TULP4: variants seen among roughly 807,000 people sequenced by gnomAD.
The protein encoded by TULP4 is TUB like protein 4, also known as tubby-related protein 4.
Under a neutral mutation model 129.0 loss-of-function variants are expected in TULP4, and 16 were observed. The observed-to-expected ratio is 0.12, with a 90% CI of 0.08 to 0.19. The LOEUF is 0.19. Among genes scored for constraint, TULP4 ranks in the 10% least tolerant of loss-of-function variants. TULP4 has a pLI of 1.00. For synonymous variants in TULP4, 998 were observed against 854.0 expected, an observed-to-expected ratio of 1.17 and a Z score of -2.94; for missense variants, 1,842 against 2,059.1, an observed-to-expected ratio of 0.89 and a Z score of 2.04.
chr6:158,331,745 G>GTATATATATATATA (rs1562523255), intron 1 of TULP4, among the ~76,000 whole-genome samples: 1 of 15,716 alleles, frequency 6.4e-5, no homozygotes. Context: ...ATATATATAC[G>GTATATATATATATA]TGTATATACA....
At chr6:158,371,638 C>T (rs890052953) in intron 1 of TULP4, among the ~76,000 whole-genome samples, 7 of 152,062 alleles carry the variant, frequency 4.6e-5, no homozygotes, top group African/African-American at 1.4e-4. Flanking sequence ...ATTATAACAG[C>T]GTCTTTTGTT....
chr6:158,340,017 G>T (rs980459269), intron 1 of TULP4, among the ~76,000 whole-genome samples: 1 of 152,156 alleles, frequency 6.6e-6, no homozygotes, highest in Non-Finnish European at 1.5e-5. Flanking sequence ...CTGAGTTCCC[G>T]CAACAGGCCG....
intron 1 of TULP4, among the ~76,000 whole-genome samples, chr6:158,334,087 G>A (rs546089019): frequency 2.7e-4 from 41 of 152,268 alleles, no homozygotes; most frequent in African/African-American, 9.6e-4. Context: ...AGTGAATTGC[G>A]CATCACAGTA....
intron 1 of TULP4, among the ~76,000 whole-genome samples, chr6:158,392,794 CTTT>C (rs773565295): frequency 4.8e-4 from 26 of 54,642 alleles, no homozygotes; most frequent in Non-Finnish European, 5.1e-4. Flanking sequence ...ATTTGTATTT[CTTT>C]TTTTTTTTTT....
chr6:158,455,325 C>G (rs866200439), intron 5 of TULP4, among the ~76,000 whole-genome samples: 10 of 24,212 alleles, frequency 4.1e-4, no homozygotes, highest in Middle Eastern at 0.018. Flanking sequence ...CCACCCGCCT[C>G]GGCCTCCCAA....
chr6:158,355,782 C>G (rs1780633463), intron 1 of TULP4, among the ~76,000 whole-genome samples: 1 of 152,180 alleles, frequency 6.6e-6, no homozygotes, highest in Non-Finnish European at 1.5e-5. Flanking sequence ...GCCATTGACC[C>G]ATATGAACAA....
intron 3 of TULP4, among the ~76,000 whole-genome samples, chr6:158,431,522 C>CCT (rs1196465076): frequency 6.6e-6 from 1 of 152,156 alleles, no homozygotes; most frequent in Non-Finnish European, 1.5e-5. Context: ...GTGAGAGAGA[C>CCT]GCAGCTCTTG....
chr6:158,391,534 T>C (rs1337202968), intron 1 of TULP4, among the ~76,000 whole-genome samples: 1 of 152,212 alleles, frequency 6.6e-6, no homozygotes, highest in Non-Finnish European at 1.5e-5. Context: ...ATTTTTCTCT[T>C]AGCAGTGACA....
In TULP4 at chr6:158,446,402, TTC is replaced by T. The variant is rs1290690095; in HGVS notation, c.544-2592_544-2591del. Among the ~76,000 whole-genome samples, 3 of 152,302 alleles carry T rather than the reference TTC, an allele frequency of 2.0e-5. No individual in the cohort carries two copies. The East Asian group carries it at 5.8e-4, about 29-fold the overall frequency. The stretch of plus-strand genomic sequence containing the variant: ...GTGGATTTGGGGCCTGCCCTTTTTG[TTC>T]TGTTTTTCTTTAGTGTGATACTAAA... On this transcript the variant is annotated intron_variant, in intron 3 of 13. Coordinates refer to ENST00000367097, the MANE Select transcript of TULP4 (RefSeq NM_020245.5).
At chr6:158,318,708 T>A (rs990919855) in intron 1 of TULP4, among the ~76,000 whole-genome samples, 2 of 152,044 alleles carry the variant, frequency 1.3e-5, no homozygotes, top group Admixed American at 6.6e-5. Flanking sequence ...TCCCTTATCC[T>A]CAATTGTTAT....
chr6:158,371,788 T>C (rs769761384), intron 1 of TULP4, among the ~76,000 whole-genome samples: 1 of 152,248 alleles, frequency 6.6e-6, no homozygotes, highest in African/African-American at 2.4e-5. Context: ...CATTTGAGAA[T>C]AGATTTGAAT....
At chr6:158,281,672 T>C (rs1188605430), upstream of TULP4, among the ~76,000 whole-genome samples, 1 of 152,174 alleles carries the variant, frequency 6.6e-6, no homozygotes, top group East Asian at 1.9e-4. Context: ...AGGTTCTCTT[T>C]TCTATTTTGT....
At chr6:158,494,732 T>C (rs1780291329) in intron 10 of TULP4, 21 bp from the exon 11 acceptor site, 2 of 1,597,442 alleles carry the variant, frequency 1.3e-6, no homozygotes, top group Non-Finnish European at 1.7e-6. Flanking sequence ...ATTCTTCTTT[T>C]TTCTTTTCTT....
At chr6:158,504,314 G>A (rs1294218422) in intron 13 of TULP4, 136 bp downstream of exon 13, 5 of 738,322 alleles carry the variant, frequency 6.8e-6, no homozygotes, top group East Asian at 2.7e-5. Context: ...GAGCTCATGG[G>A]GTTATGGTTT....
At chr6:158,337,198 T>C (rs868096905) in intron 1 of TULP4, among the ~76,000 whole-genome samples, 9 of 130,196 alleles carry the variant, frequency 6.9e-5, no homozygotes, top group Middle Eastern at 9.2e-3. Context: ...AGTGGTTCAA[T>C]CATGGCTCAC....
chr6:158,510,343 G>A lies in TULP4; in HGVS notation c.*3649G>A, dbSNP rs1780709500. The A allele has an allele frequency of 6.6e-6, 1 of 152,226 alleles. No homozygotes were observed. The highest frequency in any genetic ancestry group is 1.5e-5 in the Non-Finnish European group (1 of 68,044). The allele number at this position is 152,226 out of a possible 1,614,324, so 9.4% of individuals were successfully genotyped here. A position where few individuals can be genotyped will look rare whatever the true frequency, so the allele number is the denominator to read the frequency against. ...CATAGCAAAAAGTCTGCAAACCCCAGGGTCAAGCCTGCTCTGCCACAGGGT... is the reference window on the plus strand; with the variant it reads ...CATAGCAAAAAGTCTGCAAACCCCAAGGTCAAGCCTGCTCTGCCACAGGGT... On this transcript the variant is annotated 3_prime_UTR_variant, in exon 14 of 14. Transcript: ENST00000367097.
chr6:158,484,830 G>A (rs1038669150), intron 8 of TULP4, among the ~76,000 whole-genome samples: 1 of 152,256 alleles, frequency 6.6e-6, no homozygotes, highest in South Asian at 2.1e-4. Context: ...GTGCACGCAC[G>A]CTTGTGCGTA....
chr6:158,350,206 G>T (rs554613056), intron 1 of TULP4, among the ~76,000 whole-genome samples: 1 of 151,146 alleles, frequency 6.6e-6, no homozygotes, highest in African/African-American at 2.5e-5. Flanking sequence ...TCCTAGACAG[G>T]GTGGGGGCCA....
At chr6:158,422,005 C>G (rs1778355004) in intron 2 of TULP4, among the ~76,000 whole-genome samples, 1 of 151,202 alleles carries the variant, frequency 6.6e-6, no homozygotes. Context: ...AATGTATATC[C>G]TTAATTACTT....
Sources: allele counts gnomAD v4.1 joint callset (sites outside exome capture counted in the v4.1 genomes callset), GRCh38; gene constraint gnomAD v4.1.1; transcripts MANE v1.5; gene names NCBI Gene and HGNC (gene_info 2026-07-23, HGNC 2026-07-21).